Variants in SEZ6L observed in about 807,000 individuals in gnomAD.
The protein encoded by SEZ6L is seizure 6-like protein.
SEZ6L carries 37 observed loss-of-function variants against 106.2 expected under a neutral mutation model. The ratio of observed to expected loss-of-function variants is 0.35; its 90% confidence interval spans 0.27 to 0.46. The LOEUF (loss-of-function observed/expected upper bound fraction) is 0.46. Among genes scored for constraint, SEZ6L ranks in the 20% least tolerant of loss-of-function variants. The probability of loss-of-function intolerance (pLI) is 1.00; values close to 1 mark genes in which losing one functional copy is unlikely to be tolerated. For synonymous variants in SEZ6L, 541 were observed against 570.4 expected, an observed-to-expected ratio of 0.95 and a Z score of 0.73; for missense variants, 1,172 against 1,332.8, an observed-to-expected ratio of 0.88 and a Z score of 1.88.
Position 26,305,873 on chromosome 22 carries a change from G to T in SEZ6L, c.1349-106G>T, listed in dbSNP as rs1026590980. 4 of 1,258,300 alleles carry T rather than the reference G, an allele frequency of 3.2e-6. No homozygotes were observed. The African/African-American group carries it at 6.0e-5, about 19-fold the overall frequency. 77.9% of individuals were successfully genotyped at this position (1,258,300 alleles called of 1,614,324 possible). A position where few individuals can be genotyped will look rare whatever the true frequency, so the allele number is the denominator to read the frequency against. Reference sequence around the variant, plus strand: ...GCAGGGGTGGGGATCAGGGGAGAATGAAACACTCACTTCCTTCTCTCTCTC... The same window carrying T: ...GCAGGGGTGGGGATCAGGGGAGAATTAAACACTCACTTCCTTCTCTCTCTC... On this transcript the variant is annotated intron_variant, in intron 5 of 16. Transcript: ENST00000248933.
chr22:26,249,385 T>C (rs981119369), intron 1 of SEZ6L, among the ~76,000 whole-genome samples: 1 of 152,220 alleles, frequency 6.6e-6, no homozygotes, highest in Non-Finnish European at 1.5e-5. Flanking sequence ...GATCAGCCTT[T>C]TCAGTTTCAA....
chr22:26,273,838 A>G (rs910763679), intron 1 of SEZ6L, among the ~76,000 whole-genome samples: 1 of 152,160 alleles, frequency 6.6e-6, no homozygotes, highest in African/African-American at 2.4e-5. Flanking sequence ...GATAGAATAG[A>G]ATAGAATAGA....
rs1406422322 is a variant in SEZ6L, at chr22:26,305,995, A to T, written c.1365A>T (p.Ala455=). Residue 455 remains alanine, a synonymous_variant, in exon 6 of 17, where the codon GCA becomes GCT. Coordinates refer to ENST00000248933, the MANE Select transcript of SEZ6L (RefSeq NM_021115.5). ...EPICSAPCGG[A]VHNATIGRVL... is the part of the protein sequence containing the mutation. ...CTGGATCAGCTCCTTGTGGAGGGGC[A>T]GTGCACAATGCCACCATCGGCCGCG... 8.8e-6 allele frequency: 13 copies of T among 1,475,804 alleles called. No homozygotes were observed. In the East Asian group the frequency reaches 2.1e-4, roughly 23 times the overall value. The allele number at this position is 1,475,804 out of a possible 1,614,324, so 91.4% of individuals were successfully genotyped here. A position where few individuals can be genotyped will look rare whatever the true frequency, so the allele number is the denominator to read the frequency against.
chr22:26,299,015 G>A lies in SEZ6L; in HGVS notation c.1194G>A (p.Arg398=). Residue 398 remains arginine (R), a synonymous_variant, in exon 5 of 17, where the codon CGG becomes CGA. Transcript: ENST00000248933. Reference sequence around the variant, plus strand: ...TGCTGAGCTGCAACTTTCCCCGCCGGCCTGACTCTGGGGATGTCACGGTGA... The same window carrying A: ...TGCTGAGCTGCAACTTTCCCCGCCGACCTGACTCTGGGGATGTCACGGTGA... ...AFMLSCNFPR[R]PDSGDVTVMD... 6.3e-7 allele frequency: 1 copy of A among 1,591,758 alleles called. No homozygotes were observed. Among genetic ancestry groups the A allele is most frequent in the African/African-American group, 1.4e-5 (1 of 73,740 alleles).
At chr22:26,220,551 T>TG (rs1382264280) in intron 1 of SEZ6L, among the ~76,000 whole-genome samples, 2 of 152,180 alleles carry the variant, frequency 1.3e-5, no homozygotes, top group Non-Finnish European at 2.9e-5. Context: ...TCAGTTGCCT[T>TG]GGGTGAAGCA....
At chr22:26,211,615 G>A (rs1186485453) in intron 1 of SEZ6L, among the ~76,000 whole-genome samples, 1 of 151,816 alleles carries the variant, frequency 6.6e-6, no homozygotes, top group Non-Finnish European at 1.5e-5. Context: ...GAAAGTGATG[G>A]TCAGGCCAGA....
At chr22:26,257,258 T>A (rs2079852989) in intron 1 of SEZ6L, among the ~76,000 whole-genome samples, 1 of 152,278 alleles carries the variant, frequency 6.6e-6, no homozygotes, top group Middle Eastern at 3.4e-3. Flanking sequence ...CAAGCTCTAG[T>A]CCTTGAAGAG....
At chr22:26,205,133 G>T (rs550415855) in intron 1 of SEZ6L, among the ~76,000 whole-genome samples, 1 of 152,170 alleles carries the variant, frequency 6.6e-6, no homozygotes, top group African/African-American at 2.4e-5. Context: ...AGAGAAACTC[G>T]CTTTATGTGG....
At position 26,382,257 on chromosome 22, in the gene SEZ6L, G is replaced by A. The variant is rs77237339; in HGVS notation, c.*1962G>A. On this transcript the variant is annotated 3_prime_UTR_variant, in exon 17 of 17. Transcript: ENST00000248933. Reference sequence around the variant, plus strand: ...GGAGAAAGATAACAACACAAATAATGTAACCTTTCCTTAAAAGGCAGAACT... The same window carrying A: ...GGAGAAAGATAACAACACAAATAATATAACCTTTCCTTAAAAGGCAGAACT... 3.4e-4 allele frequency: 72 copies of A among 214,444 alleles called. No homozygotes were observed. Among genetic ancestry groups the A allele is most frequent in the African/African-American group, 1.5e-3 (66 of 43,558 alleles). 13.3% of individuals were successfully genotyped at this position (214,444 alleles called of 1,614,324 possible). A position where few individuals can be genotyped will look rare whatever the true frequency, so the allele number is the denominator to read the frequency against.
intron 11 of SEZ6L, among the ~76,000 whole-genome samples, chr22:26,350,709 T>C (rs2083246953): frequency 6.8e-6 from 1 of 147,068 alleles, no homozygotes; most frequent in Non-Finnish European, 1.5e-5. Flanking sequence ...CAGGCTGGAG[T>C]GCAGTGGTGC....
At chr22:26,214,484 G>A (rs563176483) in intron 1 of SEZ6L, among the ~76,000 whole-genome samples, 17 of 152,304 alleles carry the variant, frequency 1.1e-4, no homozygotes, top group African/African-American at 3.9e-4. Context: ...ATTCCCTGAT[G>A]GGGAAGAAGA....
Position 26,377,655 on chromosome 22 carries a change from C to T in SEZ6L, c.2943-18C>T. 2.5e-6 allele frequency: 4 copies of T among 1,589,788 alleles called. No homozygotes were observed. The highest frequency in any genetic ancestry group is 3.5e-6 in the Non-Finnish European group (4 of 1,158,060). On this transcript the variant is annotated intron_variant, in intron 15 of 16. Coordinates refer to ENST00000248933, the MANE Select transcript of SEZ6L (RefSeq NM_021115.5). The stretch of plus-strand genomic sequence containing the variant: ...CTAGCTGGGGAGAAGTAACTTCTCT[C>T]TCCTTTCTTTCCCCCAGATGTCGCT...
chr22:26,178,149 C>A (rs1340981848), intron 1 of SEZ6L, among the ~76,000 whole-genome samples: 2 of 152,188 alleles, frequency 1.3e-5, no homozygotes, highest in African/African-American at 4.8e-5. Flanking sequence ...CATTATGTGG[C>A]CATGGAAGAC....
intron 5 of SEZ6L, among the ~76,000 whole-genome samples, chr22:26,301,260 C>G (rs773048544): frequency 6.6e-6 from 1 of 152,218 alleles, no homozygotes; most frequent in Non-Finnish European, 1.5e-5. Flanking sequence ...TCTGAGACTT[C>G]GAGGACAGAA....
At chr22:26,248,439 C>T (rs752778314) in intron 1 of SEZ6L, among the ~76,000 whole-genome samples, 6 of 152,116 alleles carry the variant, frequency 3.9e-5, no homozygotes, top group Non-Finnish European at 7.4e-5. Flanking sequence ...ACTGTAACCT[C>T]GAACTCCTGC....
intron 8 of SEZ6L, among the ~76,000 whole-genome samples, chr22:26,313,006 G>T (rs2081887624): frequency 6.6e-6 from 1 of 152,254 alleles, no homozygotes; most frequent in South Asian, 2.1e-4. Context: ...CCTTGCCATG[G>T]TGAGGGATTG....
At chr22:26,317,661 C>T (rs1272307081) in intron 9 of SEZ6L, among the ~76,000 whole-genome samples, 2 of 152,158 alleles carry the variant, frequency 1.3e-5, no homozygotes, top group Admixed American at 6.5e-5. Flanking sequence ...CCGGGAACCT[C>T]ATGCAATTAA....
intron 1 of SEZ6L, among the ~76,000 whole-genome samples, chr22:26,192,231 C>T (rs527464068): frequency 6.6e-6 from 1 of 152,328 alleles, no homozygotes; most frequent in East Asian, 1.9e-4. Flanking sequence ...CTAATCCATC[C>T]TTCCATCTCT....
intron 1 of SEZ6L, among the ~76,000 whole-genome samples, chr22:26,262,244 T>TTTTCTATC (rs1556283084): frequency 6.9e-6 from 1 of 144,290 alleles, no homozygotes; most frequent in African/African-American, 2.6e-5. Flanking sequence ...TTGATATATT[T>TTTTCTATC]TATCTATCTA....
Sources: gnomAD v4.1 joint callset for allele counts (sites outside exome capture counted in the v4.1 genomes callset) on GRCh38, gnomAD v4.1.1 for gene constraint, MANE v1.5 for transcripts, NCBI Gene and HGNC (gene_info 2026-07-23, HGNC 2026-07-21) for gene names.